Variants in NRXN1 observed in about 807,000 individuals in gnomAD.
NRXN1 encodes neurexin 1, also known as neurexin-1.
A neutral mutation model predicts 150.9 loss-of-function variants in NRXN1; 39 were observed. That is an observed-to-expected ratio of 0.26 (90% CI 0.20 to 0.34). The LOEUF is 0.34. Among genes scored for constraint, NRXN1 ranks in the 10% least tolerant of loss-of-function variants. The pLI, the probability that NRXN1 is intolerant of heterozygous loss-of-function variation, is 1.00. For missense variants in NRXN1, 1,815 were observed against 1,949.9 expected, an observed-to-expected ratio of 0.93 and a Z score of 1.30; for synonymous variants, 924 against 757.0, an observed-to-expected ratio of 1.22 and a Z score of -3.62.
At chr2:50,894,798 T>G (rs1016905724) in intron 5 of NRXN1, among the ~76,000 whole-genome samples, 2 of 152,200 alleles carry the variant, frequency 1.3e-5, no homozygotes, top group African/African-American at 4.8e-5. Flanking sequence ...TGTTTCTACA[T>G]TTTTAAATTA....
intron 21 of NRXN1, among the ~76,000 whole-genome samples, chr2:50,046,285 C>T (rs1441811505): frequency 6.6e-6 from 1 of 152,182 alleles, no homozygotes; most frequent in African/African-American, 2.4e-5. Flanking sequence ...ACCTGCCCTC[C>T]ACTGCCGCTT....
chr2:50,116,272 C>T (rs1187739604), intron 18 of NRXN1, among the ~76,000 whole-genome samples: 4 of 152,062 alleles, frequency 2.6e-5, no homozygotes, highest in South Asian at 4.1e-4. Flanking sequence ...CTTTGGGAAG[C>T]TGGGAAAACT....
chr2:50,481,915 G>A (rs2090495929), intron 15 of NRXN1, among the ~76,000 whole-genome samples: 1 of 145,270 alleles, frequency 6.9e-6, no homozygotes, highest in Admixed American at 6.7e-5. Flanking sequence ...ACAGGCGCCC[G>A]CCACTACGCC....
intron 16 of NRXN1, among the ~76,000 whole-genome samples, chr2:50,471,949 T>C (rs1279873412): frequency 2.0e-5 from 3 of 151,816 alleles, no homozygotes; most frequent in Admixed American, 1.3e-4. Flanking sequence ...GGTGGAGCAG[T>C]ATTTGTTTAA....
chr2:50,853,375 CATT>C (rs915267328), intron 5 of NRXN1, among the ~76,000 whole-genome samples: 164 of 152,206 alleles, frequency 1.1e-3, no homozygotes, highest in African/African-American at 3.9e-3. Flanking sequence ...TGGCACACTC[CATT>C]ATTATTTGAA....
intron 18 of NRXN1, among the ~76,000 whole-genome samples, chr2:50,131,270 T>C (rs1705450577): frequency 6.6e-6 from 1 of 152,202 alleles, no homozygotes; most frequent in African/African-American, 2.4e-5. Flanking sequence ...TCCCAGAGCA[T>C]CTTAAAAGGC....
chr2:50,803,376 A>C (rs1293622754), intron 5 of NRXN1, among the ~76,000 whole-genome samples: 1 of 152,178 alleles, frequency 6.6e-6, no homozygotes, highest in Non-Finnish European at 1.5e-5. Context: ...AAGCCCCCAT[A>C]CATGATCAAC....
chr2:50,586,457 C>A (rs972877663), intron 8 of NRXN1, among the ~76,000 whole-genome samples: 1 of 152,040 alleles, frequency 6.6e-6, no homozygotes, highest in African/African-American at 2.4e-5. Context: ...GAGTCATTTT[C>A]CCTTTTGTTC....
chr2:49,937,882 T>A (rs1003804295), intron 22 of NRXN1, among the ~76,000 whole-genome samples: 1 of 152,160 alleles, frequency 6.6e-6, no homozygotes, highest in Admixed American at 6.5e-5. Context: ...AGCAAGACAG[T>A]CCTTGAAATG....
intron 18 of NRXN1, among the ~76,000 whole-genome samples, chr2:50,228,892 C>T (rs1388148431): frequency 6.6e-6 from 1 of 151,940 alleles, no homozygotes; most frequent in Non-Finnish European, 1.5e-5. Context: ...AAAGGTTAGA[C>T]AGTTTTCCAG....
At chr2:50,292,754 A>G (rs2073087756) in intron 17 of NRXN1, among the ~76,000 whole-genome samples, 1 of 152,212 alleles carries the variant, frequency 6.6e-6, no homozygotes, top group African/African-American at 2.4e-5. Context: ...TGTTCAAAAC[A>G]TATTTGGAGT....
chr2:50,332,336 A>G (rs879673872), intron 17 of NRXN1, among the ~76,000 whole-genome samples: 1 of 152,206 alleles, frequency 6.6e-6, no homozygotes, highest in African/African-American at 2.4e-5. Flanking sequence ...ACTTTTGCAC[A>G]CTGAGATATA....
intron 21 of NRXN1, among the ~76,000 whole-genome samples, chr2:49,953,232 T>C (rs537728169): frequency 6.6e-6 from 1 of 152,192 alleles, no homozygotes; most frequent in East Asian, 1.9e-4. Flanking sequence ...TTTTCTGATT[T>C]TGAGTTGATT....
intron 21 of NRXN1, among the ~76,000 whole-genome samples, chr2:49,975,563 T>C (rs959499143): frequency 1.3e-5 from 2 of 152,178 alleles, no homozygotes; most frequent in African/African-American, 4.8e-5. Context: ...TCATTCAATA[T>C]TGACTATCAG....
chr2:50,864,921 T>C (rs1676663030), intron 5 of NRXN1, among the ~76,000 whole-genome samples: 1 of 151,974 alleles, frequency 6.6e-6, no homozygotes, highest in Non-Finnish European at 1.5e-5. Context: ...TTCTAACAAG[T>C]TCTCAGGGAA....
At chr2:50,740,189 T>C (rs913637500) in intron 5 of NRXN1, among the ~76,000 whole-genome samples, 1 of 152,210 alleles carries the variant, frequency 6.6e-6, no homozygotes, top group Non-Finnish European at 1.5e-5. Context: ...TATCCATTGC[T>C]CAGACCAGGG....
intron 5 of NRXN1, among the ~76,000 whole-genome samples, chr2:50,785,243 C>T (rs984501076): frequency 1.0e-4 from 11 of 106,096 alleles, no homozygotes; most frequent in Non-Finnish European, 1.3e-4. Context: ...AGAAAATACA[C>T]TTTTTTTTTT....
intron 17 of NRXN1, among the ~76,000 whole-genome samples, chr2:50,373,634 GAA>G (rs766865270): frequency 1.8e-5 from 1 of 54,520 alleles, no homozygotes; most frequent in Admixed American, 1.8e-4. Flanking sequence ...AGAAAAGAAA[GAA>G]AGAAAGAAAG....
At chr2:50,779,139 A>C (rs574447829) in intron 5 of NRXN1, among the ~76,000 whole-genome samples, 1 of 152,098 alleles carries the variant, frequency 6.6e-6, no homozygotes, top group African/African-American at 2.4e-5. Flanking sequence ...CCTGTCATCT[A>C]TATTAGGTAT....
Sources: allele counts gnomAD v4.1 joint callset (sites outside exome capture counted in the v4.1 genomes callset), GRCh38; gene constraint gnomAD v4.1.1; transcripts MANE v1.5; gene names NCBI Gene and HGNC (gene_info 2026-07-23, HGNC 2026-07-21).